TMCC3: variants seen among roughly 807,000 people sequenced by gnomAD.
TMCC3 encodes the protein transmembrane and coiled-coil domain protein 3.
A neutral mutation model predicts 40.2 loss-of-function variants in TMCC3; 28 were observed. The observed-to-expected ratio is 0.70, with a 90% CI of 0.52 to 0.95. TMCC3 has a LOEUF of 0.95. Ranked by LOEUF, TMCC3 falls within the 40% of genes least tolerant of loss-of-function variation. The pLI is 0.00. For missense variants in TMCC3, 554 were observed against 615.2 expected, an observed-to-expected ratio of 0.90 and a Z score of 1.05; for synonymous variants, 255 against 248.5, an observed-to-expected ratio of 1.03 and a Z score of -0.25.
At chr12:94,621,156 AAC>A (rs1174134202) in intron 1 of TMCC3, among the ~76,000 whole-genome samples, 1 of 152,236 alleles carries the variant, frequency 6.6e-6, no homozygotes, top group Non-Finnish European at 1.5e-5. Flanking sequence ...ATCCAAAAGA[AAC>A]ACAGCACAGA....
chr12:94,636,259 T>C (rs2068960392), intron 1 of TMCC3, among the ~76,000 whole-genome samples: 8 of 152,054 alleles, frequency 5.3e-5, no homozygotes, highest in Admixed American at 5.2e-4. Context: ...AAAATAAAAA[T>C]CATAAAATAT....
intron 1 of TMCC3, among the ~76,000 whole-genome samples, chr12:94,640,942 G>A (rs1416061587): frequency 3.9e-5 from 6 of 152,210 alleles, no homozygotes; most frequent in African/African-American, 1.2e-4. Flanking sequence ...GCTCATGCCT[G>A]TAATCCCAGC....
In TMCC3 at chr12:94,650,499, G is replaced by T; in HGVS notation, c.-69C>A. 1 of 1,174,388 alleles carries T rather than the reference G, an allele frequency of 8.5e-7. No homozygotes were observed. The highest frequency in any genetic ancestry group is 3.5e-5 in the South Asian group (1 of 28,458). The allele number at this position is 1,174,388 out of a possible 1,614,324, so 72.7% of individuals were successfully genotyped here. On this transcript the variant is annotated 5_prime_UTR_variant, in exon 1 of 4. Transcript: ENST00000261226. ...GCGCCGCGAGCCACCGGCTGTGCTC[G>T]GGATCACCCTGGGAGCCGCGGGCGA...
At chr12:94,593,200 A>C (rs1245683627) in intron 1 of TMCC3, among the ~76,000 whole-genome samples, 2 of 149,892 alleles carry the variant, frequency 1.3e-5, no homozygotes, top group Non-Finnish European at 3.0e-5. Context: ...CTGTCTCAAA[A>C]GAAAAGAAAA....
chr12:94,637,467 G>A (rs557253380), intron 1 of TMCC3, among the ~76,000 whole-genome samples: 1 of 152,328 alleles, frequency 6.6e-6, no homozygotes, highest in African/African-American at 2.4e-5. Flanking sequence ...TGTCCGAAGC[G>A]ATGTGGGTAA....
chr12:94,610,875 G>A (rs2068812216), intron 1 of TMCC3, among the ~76,000 whole-genome samples: 1 of 152,182 alleles, frequency 6.6e-6, no homozygotes, highest in Admixed American at 6.5e-5. Flanking sequence ...CTTAAGAACT[G>A]TGGATGGTAG....
chr12:94,616,113 T>C, intron 1 of TMCC3: 1 of 985,004 alleles, frequency 1.0e-6, no homozygotes. Flanking sequence ...TCAGAGAAAC[T>C]CCACGCCCTG....
At chr12:94,592,011 A>G (rs1166633127) in intron 1 of TMCC3, among the ~76,000 whole-genome samples, 3 of 152,218 alleles carry the variant, frequency 2.0e-5, no homozygotes, top group African/African-American at 7.2e-5. Flanking sequence ...TGGGACACCT[A>G]CACAGAATAT....
intron 1 of TMCC3, among the ~76,000 whole-genome samples, chr12:94,595,409 A>G (rs1438479595): frequency 6.6e-6 from 1 of 152,188 alleles, no homozygotes; most frequent in African/African-American, 2.4e-5. Context: ...AGAAAGCCAC[A>G]TAATGGTCAC....
At chr12:94,650,078 G>C (rs1341568962) in intron 1 of TMCC3, among the ~76,000 whole-genome samples, 2 of 152,118 alleles carry the variant, frequency 1.3e-5, no homozygotes, top group Non-Finnish European at 2.9e-5. Context: ...AGCAGAGCGC[G>C]GGCCGTCGGG....
chr12:94,590,040 G>C (rs1449388997), intron 1 of TMCC3, among the ~76,000 whole-genome samples: 1 of 139,564 alleles, frequency 7.2e-6, no homozygotes, highest in Non-Finnish European at 1.6e-5. Flanking sequence ...AATCGTGGCT[G>C]TAACTTTGTG....
rs1178739589 is a variant in TMCC3 at position 94,582,977 on chromosome 12, TTTTTTTTTTTTTTTTTTA to T, written c.79-457_79-440del. 2.6e-3 allele frequency among the ~76,000 whole-genome samples: 181 copies of T among 69,480 alleles called. 3 individuals are homozygous for T. Among genetic ancestry groups the T allele is most frequent in the African/African-American group, 0.021 (174 of 8,298 alleles). The allele number at this position is 69,480 out of a possible 152,430, so 45.6% of individuals were successfully genotyped here. A position where few individuals can be genotyped will look rare whatever the true frequency, so the allele number is the denominator to read the frequency against. On this transcript the variant is annotated intron_variant, in intron 1 of 3. Coordinates refer to ENST00000261226, the MANE Select transcript of TMCC3 (RefSeq NM_020698.4). ...ATAGAAGGAGAATCTTTTTTTTTTT[TTTTTTTTTTTTTTTTTTA>T]AAAAAGAAAGATGGGGAAAAATAGG...
Position 94,568,577 on chromosome 12 carries a change from A to G in TMCC3, c.*2858T>C, listed in dbSNP as rs2068508647. ...CAATTCCAGCATATGTTACAGCTAC[A>G]TCACTATTTTTAATTGTAATATTTC... On this transcript the variant is annotated 3_prime_UTR_variant, in exon 4 of 4. Coordinates refer to ENST00000261226, the MANE Select transcript of TMCC3 (RefSeq NM_020698.4). The G allele has an allele frequency of 6.6e-6, 1 of 152,238 alleles. No individual in the cohort carries two copies. Among genetic ancestry groups the G allele is most frequent in the African/African-American group, 2.4e-5 (1 of 41,464 alleles). 9.4% of individuals were successfully genotyped at this position (152,238 alleles called of 1,614,324 possible). A position where few individuals can be genotyped will look rare whatever the true frequency, so the allele number is the denominator to read the frequency against.
At chr12:94,591,595 AC>A (rs1382838868) in intron 1 of TMCC3, among the ~76,000 whole-genome samples, 3 of 152,108 alleles carry the variant, frequency 2.0e-5, no homozygotes, top group Middle Eastern at 3.2e-3. Context: ...ACCAAAAAAA[AC>A]AAACCCAAAA....
intron 1 of TMCC3, among the ~76,000 whole-genome samples, chr12:94,621,906 T>A (rs1333904698): frequency 1.3e-5 from 2 of 152,216 alleles, no homozygotes; most frequent in Non-Finnish European, 2.9e-5. Flanking sequence ...AAAGGATGAC[T>A]GACATGGTAA....
intron 1 of TMCC3, among the ~76,000 whole-genome samples, chr12:94,619,897 C>T (rs1001668581): frequency 6.6e-6 from 1 of 152,198 alleles, no homozygotes; most frequent in African/African-American, 2.4e-5. Flanking sequence ...GGCGCAGTAG[C>T]TCACGCCTAT....
chr12:94,626,369 C>T (rs1176618226), intron 1 of TMCC3, among the ~76,000 whole-genome samples: 1 of 152,182 alleles, frequency 6.6e-6, no homozygotes, highest in Non-Finnish European at 1.5e-5. Context: ...ACATTTTTCA[C>T]AAGCCAAAAG....
At chr12:94,628,491 G>A (rs1413008553) in intron 1 of TMCC3, among the ~76,000 whole-genome samples, 1 of 152,180 alleles carries the variant, frequency 6.6e-6, no homozygotes, top group Non-Finnish European at 1.5e-5. Flanking sequence ...AATTCTCCAA[G>A]AGGTCTCAGG....
At chr12:94,608,763 A>G (rs1385005974) in intron 1 of TMCC3, among the ~76,000 whole-genome samples, 4 of 152,060 alleles carry the variant, frequency 2.6e-5, no homozygotes, top group Non-Finnish European at 5.9e-5. Context: ...AGGTCATTTT[A>G]CCTAACTCAC....
Sources: gnomAD v4.1 joint callset for allele counts (sites outside exome capture counted in the v4.1 genomes callset) on GRCh38, gnomAD v4.1.1 for gene constraint, MANE v1.5 for transcripts, NCBI Gene and HGNC (gene_info 2026-07-23, HGNC 2026-07-21) for gene names.